PCDHGB3: variants seen among roughly 807,000 people sequenced by gnomAD.
PCDHGB3 encodes protocadherin gamma subfamily B, 3.
Under a neutral mutation model 59.2 loss-of-function variants are expected in PCDHGB3, and 40 were observed. That is an observed-to-expected ratio of 0.68 (90% CI 0.52 to 0.88). The LOEUF is 0.88. Ranked by LOEUF, PCDHGB3 falls within the 40% of genes least tolerant of loss-of-function variation. The pLI is 0.00. For missense variants in PCDHGB3, 1,309 were observed against 1,187.9 expected (o/e 1.10, Z -1.50); for synonymous variants, 581 against 503.6 (o/e 1.15, Z -2.06).
rs2099427481 is a variant in PCDHGB3 at position 141,477,973 on chromosome 5, T to A, written c.2416-16834T>A. On this transcript the variant is annotated intron_variant, in intron 1 of 3. Coordinates refer to ENST00000576222, the MANE Select transcript of PCDHGB3 (RefSeq NM_018924.5). The surrounding 1 kb of genome is among the most constrained non-coding windows in gnomAD (Gnocchi z 4.9). The stretch of plus-strand genomic sequence containing the variant: ...TGGGATCCCCTAACCAGAGCCTTTT[T>A]GCCATAGGGCTGCACACTGGTCAAA... 1 of 1,614,030 alleles carries A rather than the reference T, an allele frequency of 6.2e-7. No individual in the cohort carries two copies. The highest frequency in any genetic ancestry group is 8.5e-7 in the Non-Finnish European group (1 of 1,180,030).
intron 1 of PCDHGB3, chr5:141,427,624 C>T (rs2097051687): frequency 1.4e-6 from 1 of 698,516 alleles, no homozygotes; most frequent in South Asian, 1.5e-5. Context: ...AACGACAATG[C>T]TCCGGTTTTC....
intron 1 of PCDHGB3, chr5:141,418,409 G>A (rs2096254230): frequency 6.2e-7 from 1 of 1,613,792 alleles, no homozygotes; most frequent in African/African-American, 1.3e-5. Context: ...GGTGGAGAAA[G>A]ACAATCCTGA....
At chr5:141,461,989 A>G (rs2099028358) in intron 1 of PCDHGB3, among the ~76,000 whole-genome samples, 1 of 152,074 alleles carries the variant, frequency 6.6e-6, no homozygotes, top group African/African-American at 2.4e-5. Flanking sequence ...ACGCCAGGCT[A>G]ATTTTGTATT....
At chr5:141,436,208 A>G (rs1287696925) in intron 1 of PCDHGB3, among the ~76,000 whole-genome samples, 1 of 152,152 alleles carries the variant, frequency 6.6e-6, no homozygotes, top group Non-Finnish European at 1.5e-5. Context: ...CATAATAGGA[A>G]AACAAATGAC....
chr5:141,373,848 C>A, intron 1 of PCDHGB3: 3 of 446,942 alleles, frequency 6.7e-6, no homozygotes, highest in Non-Finnish European at 7.9e-6. Flanking sequence ...GGACTCTAAG[C>A]GTCGCTGTTG....
intron 1 of PCDHGB3, chr5:141,423,492 C>T (rs2154550191): frequency 1.2e-6 from 2 of 1,613,972 alleles, no homozygotes; most frequent in East Asian, 4.5e-5. Context: ...AAACCTATTC[C>T]CACGAGGTCT....
Position 141,485,200 on chromosome 5 carries a change from A to C in PCDHGB3, c.2416-9607A>C. 1 of 1,614,116 alleles carries C rather than the reference A, an allele frequency of 6.2e-7. No homozygotes were observed. The highest frequency in any genetic ancestry group is 2.2e-5 in the East Asian group (1 of 44,872). ...TGCTCCGCAAGGTGAGAAGCTGGAC[A>C]GAAATCTGGCGGTGGGCTACCCTTT... On this transcript the variant is annotated intron_variant, in intron 1 of 3. Coordinates refer to ENST00000576222, the MANE Select transcript of PCDHGB3 (RefSeq NM_018924.5). This position sits in a 1 kb window ranked among gnomAD's most constrained non-coding sequence, Gnocchi z 5.7.
At chr5:141,403,868 A>T (rs2094463706) in intron 1 of PCDHGB3, 2 of 1,613,752 alleles carry the variant, frequency 1.2e-6, no homozygotes, top group Non-Finnish European at 1.7e-6. Context: ...AACAGCAAAA[A>T]GTCTAGATTA....
At chr5:141,465,644 A>G (rs1320011410) in intron 1 of PCDHGB3, among the ~76,000 whole-genome samples, 2 of 152,186 alleles carry the variant, frequency 1.3e-5, no homozygotes, top group African/African-American at 4.8e-5. Context: ...TGCTTTGAAC[A>G]TCCCAAAAAA....
At position 141,476,477 on chromosome 5, in the gene PCDHGB3, G is replaced by A; in HGVS notation, c.2416-18330G>A. 1.2e-6 allele frequency: 2 copies of A among 1,614,078 alleles called. No individual in the cohort carries two copies. Among genetic ancestry groups the A allele is most frequent in the South Asian group, 1.1e-5 (1 of 91,070 alleles). ...GGAGAACCCGCTGGAGCTGTTCAGC[G>A]TGGAAGTGGTGATCCAGGACATCAA... On this transcript the variant is annotated intron_variant, in intron 1 of 3. Transcript: ENST00000576222. This position sits in a 1 kb window ranked among gnomAD's most constrained non-coding sequence, Gnocchi z 7.6.
chr5:141,374,455 G>T, intron 1 of PCDHGB3: 2 of 1,613,610 alleles, frequency 1.2e-6, no homozygotes, highest in Non-Finnish European at 1.7e-6. Context: ...TGGAAATAGT[G>T]GACATTAATG....
intron 1 of PCDHGB3, among the ~76,000 whole-genome samples, chr5:141,456,537 G>A (rs1411788378): frequency 1.3e-5 from 2 of 152,178 alleles, no homozygotes; most frequent in African/African-American, 4.8e-5. Flanking sequence ...ATTAAAGAGG[G>A]ATTGTAGCCA....
At position 141,398,955 on chromosome 5, in the gene PCDHGB3, A is replaced by T. The variant is rs2093730495; in HGVS notation, c.2415+26146A>T. 1.2e-6 allele frequency: 2 copies of T among 1,613,966 alleles called. No homozygotes were observed. Among genetic ancestry groups the T allele is most frequent in the African/African-American group, 1.3e-5 (1 of 75,040 alleles). On this transcript the variant is annotated intron_variant, in intron 1 of 3. Transcript: ENST00000576222. ...ACCAAGACGAGGGCATCAACTCAGA[A>T]ATTACTTATTCCTTCTACAGAACCG...
In PCDHGB3 at chr5:141,511,131, C is replaced by T; in HGVS notation, c.2748C>T (p.Gly916=). ...GGGATGGCAAGGCCCCAGCAGGTGG[C>T]AATGGCAACAAGAAGAAGTCGGGCA... is the stretch of plus-strand genomic sequence containing the variant. ...GKRDGKAPAG[G]NGNKKKSGKK... is the part of the protein sequence containing the mutation. The change falls in exon 4 of 4, where the codon GGC becomes GGT. Residue 916 remains glycine (G), a synonymous_variant. Coordinates refer to ENST00000576222, the MANE Select transcript of PCDHGB3 (RefSeq NM_018924.5). 2 of 1,614,202 alleles carry T rather than the reference C, an allele frequency of 1.2e-6. No homozygotes were observed. Among genetic ancestry groups the T allele is most frequent in the Non-Finnish European group, 1.7e-6 (2 of 1,180,020 alleles).
chr5:141,446,854 C>T (rs1474444931), intron 1 of PCDHGB3, among the ~76,000 whole-genome samples: 1 of 152,134 alleles, frequency 6.6e-6, no homozygotes, highest in Non-Finnish European at 1.5e-5. Context: ...AATAAGCTTC[C>T]TGATAGCTCT....
chr5:141,477,315 C>G lies in PCDHGB3; in HGVS notation c.2416-17492C>G. 2 of 1,614,188 alleles carry G rather than the reference C, an allele frequency of 1.2e-6. No individual in the cohort carries two copies. Among genetic ancestry groups the G allele is most frequent in the African/African-American group, 2.7e-5 (2 of 75,042 alleles). On this transcript the variant is annotated intron_variant, in intron 1 of 3. Coordinates refer to ENST00000576222, the MANE Select transcript of PCDHGB3 (RefSeq NM_018924.5). The surrounding 1 kb of genome is among the most constrained non-coding windows in gnomAD (Gnocchi z 4.9). ...CCACCGGGTCTCCCTTTCAGCCTTA[C>G]TTCTTCCCTCAAGAATTACTTCACT...
chr5:141,421,879 G>T (rs1458461652), intron 1 of PCDHGB3: 1 of 1,613,746 alleles, frequency 6.2e-7, no homozygotes, highest in Non-Finnish European at 8.5e-7. Context: ...AGCTTTAGAT[G>T]GAGGCGATCC....
At chr5:141,454,131 G>A (rs754465889) in intron 1 of PCDHGB3, among the ~76,000 whole-genome samples, 2 of 152,334 alleles carry the variant, frequency 1.3e-5, no homozygotes, top group South Asian at 2.1e-4. Flanking sequence ...AGCTGACCAT[G>A]GGAATGTTCA....
rs200317374 is a variant in PCDHGB3 at position 141,408,395 on chromosome 5, A to G, written c.2415+35586A>G. On this transcript the variant is annotated intron_variant, in intron 1 of 3. Coordinates refer to ENST00000576222, the MANE Select transcript of PCDHGB3 (RefSeq NM_018924.5). ...CAGTGTCCTGGATGTGTCGGCTCGC[A>G]AGCTGCGAGTGAGCGCGGAGAAGCT... 8.8e-3 allele frequency: 14,159 copies of G among 1,613,888 alleles called. 310 individuals are homozygous for G. Among genetic ancestry groups the G allele is most frequent in the South Asian group, 0.064 (5,857 of 91,072 alleles).
Sources: allele counts gnomAD v4.1 joint callset (sites outside exome capture counted in the v4.1 genomes callset), GRCh38; gene constraint gnomAD v4.1.1; non-coding constraint Gnocchi (gnomAD v3.1); transcripts MANE v1.5; gene names NCBI Gene and HGNC (gene_info 2026-07-23, HGNC 2026-07-21).